Variants in TCERG1L observed in about 807,000 individuals in gnomAD.
TCERG1L encodes transcription elongation regulator 1-like protein.
A neutral mutation model predicts 56.3 loss-of-function variants in TCERG1L; 37 were observed. The observed-to-expected ratio is 0.66, with a 90% confidence interval of 0.51 to 0.87. The LOEUF (loss-of-function observed/expected upper bound fraction) is 0.87. Among genes scored for constraint, TCERG1L ranks in the 40% least tolerant of loss-of-function variants. The pLI is 0.00. For missense variants in TCERG1L, 799 were observed against 774.2 expected (o/e 1.03, Z -0.38); for synonymous variants, 324 against 326.3 (o/e 0.99, Z 0.08).
At position 131,260,438 on chromosome 10, in the gene TCERG1L, C is replaced by G; in HGVS notation, c.677G>C (p.Cys226Ser). ...GCTGGTCACCTTAAGGCTGTTATGG[C>G]AGCCACCTGCGGAAGAGGGATGCAG... The part of the protein sequence containing the change: ...VLAPQPIPGG[C>S]HNSLKVTSSP... The change falls in exon 4 of 12, where the codon TGC becomes TCC. Residue 226 changes from cysteine (C) to serine (S), a missense_variant. Cys to Ser is a moderately radical substitution (Grantham distance 112). Coordinates refer to ENST00000368642, the MANE Select transcript of TCERG1L (RefSeq NM_174937.4). The surrounding 1 kb of genome is among the most constrained non-coding windows in gnomAD (Gnocchi z 5.8). The G allele has an allele frequency of 7.1e-7, 1 of 1,412,696 alleles. No individual in the cohort carries two copies. Among genetic ancestry groups the G allele is most frequent in the Middle Eastern group, 1.9e-4 (1 of 5,270 alleles). The allele number at this position is 1,412,696 out of a possible 1,614,324, so 87.5% of individuals were successfully genotyped here.
intron 3 of TCERG1L, among the ~76,000 whole-genome samples, chr10:131,264,034 G>A (rs1846259764): frequency 7.6e-6 from 1 of 131,420 alleles, no homozygotes; most frequent in South Asian, 2.8e-4. Context: ...AAGGGCAATG[G>A]GTGGGTGGGA....
rs140801692 is a variant in TCERG1L at position 131,288,170 on chromosome 10, G to A, written c.670+20041C>T. Among the ~76,000 whole-genome samples, 327 of 152,250 alleles carry A rather than the reference G, an allele frequency of 2.1e-3. 1 individual carries two copies. Among genetic ancestry groups the A allele is most frequent in the Non-Finnish European group, 4.2e-3 (287 of 68,022 alleles). On this transcript the variant is annotated intron_variant, in intron 3 of 11. Transcript: ENST00000368642. ...CAGTCTCTGAAGGCTTGTCTGTGAT[G>A]GTAAAATCAGTCTGTTCTTACATAA...
chr10:131,139,527 G>A (rs1421850563), intron 7 of TCERG1L, among the ~76,000 whole-genome samples: 1 of 152,242 alleles, frequency 6.6e-6, no homozygotes, highest in Non-Finnish European at 1.5e-5. Context: ...CAGGTGCGGT[G>A]CAGACAGCGT....
chr10:131,240,503 C>A (rs1379509525), intron 4 of TCERG1L, among the ~76,000 whole-genome samples: 2 of 151,670 alleles, frequency 1.3e-5, no homozygotes, highest in Non-Finnish European at 2.9e-5. Flanking sequence ...CCCTGAAACG[C>A]CAGAAGCACC....
At chr10:131,252,100 T>C (rs911465652) in intron 4 of TCERG1L, among the ~76,000 whole-genome samples, 2 of 152,240 alleles carry the variant, frequency 1.3e-5, no homozygotes, top group Non-Finnish European at 2.9e-5. Context: ...CCAGCTTTTT[T>C]AAGGCTGAAT....
chr10:131,302,203 G>A (rs1469849377), intron 3 of TCERG1L, among the ~76,000 whole-genome samples: 1 of 152,024 alleles, frequency 6.6e-6, no homozygotes, highest in Non-Finnish European at 1.5e-5. Context: ...ACTGCAGAAT[G>A]GCCTGAAGCT....
chr10:131,154,412 C>T (rs1845897627), intron 6 of TCERG1L, among the ~76,000 whole-genome samples: 1 of 152,202 alleles, frequency 6.6e-6, no homozygotes, highest in African/African-American at 2.4e-5. Flanking sequence ...TCCCTGTCTC[C>T]ATCCATCTTT....
intron 4 of TCERG1L, among the ~76,000 whole-genome samples, chr10:131,240,176 G>A (rs1845954998): frequency 6.6e-6 from 1 of 152,132 alleles, no homozygotes; most frequent in Non-Finnish European, 1.5e-5. Flanking sequence ...TGTGTATTCT[G>A]AGCCTGATGT....
At chr10:131,184,702 C>T (rs2133455825) in intron 4 of TCERG1L, among the ~76,000 whole-genome samples, 1 of 152,306 alleles carries the variant, frequency 6.6e-6, no homozygotes. Flanking sequence ...AGCCCAGGAG[C>T]TCCAGGCACC....
At chr10:131,123,447 G>A (rs919938267) in intron 8 of TCERG1L, among the ~76,000 whole-genome samples, 6 of 152,290 alleles carry the variant, frequency 3.9e-5, no homozygotes, top group Admixed American at 3.9e-4. Context: ...TCAGGGCTCA[G>A]CTATACAAAG....
At chr10:131,098,533 G>C in intron 10 of TCERG1L, 109 bp from the exon 11 acceptor site, 9 of 1,371,124 alleles carry the variant, frequency 6.6e-6, no homozygotes, top group African/African-American at 1.5e-5. Flanking sequence ...GGCAAAAGCT[G>C]TTCTTGTTTA....
rs78610902 is a variant in TCERG1L, at chr10:131,142,134, G to C, written c.1189+4372C>G. Among the ~76,000 whole-genome samples, 528 of 152,332 alleles carry C rather than the reference G, an allele frequency of 3.5e-3. 4 individuals carry two copies. The highest frequency in any genetic ancestry group is 0.012 in the African/African-American group (499 of 41,584). On this transcript the variant is annotated intron_variant, in intron 7 of 11. Transcript: ENST00000368642. ...CCACCTGGATCATTCATTGTGCAAA[G>C]AGGCGGCTCAGGCCCTGGAGGCCAG... is the stretch of plus-strand genomic sequence containing the variant.
chr10:131,212,462 T>G (rs1045236655), intron 4 of TCERG1L, among the ~76,000 whole-genome samples: 1 of 152,206 alleles, frequency 6.6e-6, no homozygotes, highest in African/African-American at 2.4e-5. Context: ...CTAAATGCAT[T>G]ATTTGAAACT....
chr10:131,094,774 C>T (rs967745840), intron 11 of TCERG1L, among the ~76,000 whole-genome samples: 1 of 152,164 alleles, frequency 6.6e-6, no homozygotes, highest in Admixed American at 6.5e-5. Context: ...CCTTGGTGTA[C>T]CTTGGCTAAG....
intron 4 of TCERG1L, among the ~76,000 whole-genome samples, chr10:131,192,566 C>T (rs1845316558): frequency 6.9e-6 from 1 of 144,064 alleles, no homozygotes; most frequent in South Asian, 2.2e-4. Flanking sequence ...GACACCTGCA[C>T]ACATGTTTAT....
At chr10:131,258,011 GTTCT>G (rs1444396296) in intron 4 of TCERG1L, among the ~76,000 whole-genome samples, 1 of 152,216 alleles carries the variant, frequency 6.6e-6, no homozygotes, top group Non-Finnish European at 1.5e-5. Context: ...AGTGAGCTGT[GTTCT>G]TCTGAGTCCA....
intron 3 of TCERG1L, among the ~76,000 whole-genome samples, chr10:131,280,014 A>G (rs1390034440): frequency 3.3e-5 from 5 of 152,206 alleles, no homozygotes; most frequent in Admixed American, 2.0e-4. Context: ...GAGAGGTCTC[A>G]GTTAATTTAG....
At chr10:131,172,609 C>T (rs1008276897) in intron 4 of TCERG1L, among the ~76,000 whole-genome samples, 2 of 152,242 alleles carry the variant, frequency 1.3e-5, no homozygotes, top group Admixed American at 6.5e-5. Flanking sequence ...GCGCTGGCTC[C>T]GCTCGCAGCT....
At chr10:131,210,173 CCA>C (rs1845601663) in intron 4 of TCERG1L, among the ~76,000 whole-genome samples, 1 of 152,184 alleles carries the variant, frequency 6.6e-6, no homozygotes, top group Admixed American at 6.5e-5. Flanking sequence ...TTTGTTATTA[CCA>C]TAACTTCAAG....
Sources: gnomAD v4.1 joint callset for allele counts (sites outside exome capture counted in the v4.1 genomes callset) on GRCh38, gnomAD v4.1.1 for gene constraint, Gnocchi (gnomAD v3.1) non-coding constraint, MANE v1.5 for transcripts, NCBI Gene and HGNC (gene_info 2026-07-23, HGNC 2026-07-21) for gene names.